MAP2: variants seen among roughly 807,000 people sequenced by gnomAD.
The protein encoded by MAP2 is microtubule-associated protein 2.
Under a neutral mutation model 137.6 loss-of-function variants are expected in MAP2, and 14 were observed. That is an observed-to-expected ratio of 0.10 (90% CI 0.07 to 0.16). MAP2 has a LOEUF of 0.16. MAP2 is among the 10% of genes least tolerant of loss of function. The probability of loss-of-function intolerance (pLI) is 1.00; values close to 1 mark genes in which losing one functional copy is unlikely to be tolerated. For missense variants in MAP2, 2,088 were observed against 2,191.5 expected, an observed-to-expected ratio of 0.95 and a Z score of 0.94; for synonymous variants, 786 against 782.3, an observed-to-expected ratio of 1.00 and a Z score of -0.08.
chr2:209,502,385 G>A lies in MAP2; in HGVS notation c.-221-5207G>A, dbSNP rs923622275. ...GGCTTATTTCACTTACCATAATGCCGTTCAGGTTTTTTCATGTTGTTGCAA... is the reference window on the plus strand; with the variant it reads ...GGCTTATTTCACTTACCATAATGCCATTCAGGTTTTTTCATGTTGTTGCAA... On this transcript the variant is annotated intron_variant, in intron 1 of 15. Coordinates refer to ENST00000682079, the MANE Select transcript of MAP2 (RefSeq NM_001375505.1). Among the ~76,000 whole-genome samples the A allele has an allele frequency of 3.3e-5, 5 of 152,088 alleles. No individual in the cohort carries two copies. The East Asian group carries it at 5.8e-4, about 18-fold the overall frequency.
At chr2:209,486,595 T>C (rs190227867) in intron 1 of MAP2, among the ~76,000 whole-genome samples, 2 of 152,328 alleles carry the variant, frequency 1.3e-5, no homozygotes, top group East Asian at 3.9e-4. Flanking sequence ...AAACATTCTA[T>C]TTAGGTGTTC....
intron 2 of MAP2, among the ~76,000 whole-genome samples, chr2:209,561,497 C>T (rs2072076734): frequency 6.6e-6 from 1 of 152,154 alleles, no homozygotes; most frequent in African/African-American, 2.4e-5. Flanking sequence ...AGTTATTTAA[C>T]CTCTCTGAGT....
At chr2:209,715,135 A>G (rs545444548) in intron 13 of MAP2, among the ~76,000 whole-genome samples, 1 of 152,206 alleles carries the variant, frequency 6.6e-6, no homozygotes, top group Admixed American at 6.5e-5. Flanking sequence ...GGTATGTTGC[A>G]TTTTATCATA....
At chr2:209,424,349 G>A (rs1691918029) in intron 1 of MAP2, 73 bp downstream of exon 1, 1 of 152,332 alleles carries the variant, frequency 6.6e-6, no homozygotes, top group African/African-American at 2.4e-5. Context: ...AGTAGAAAGA[G>A]ATAGGAATGG....
intron 2 of MAP2, among the ~76,000 whole-genome samples, chr2:209,535,221 G>A (rs2065776951): frequency 6.6e-6 from 1 of 152,132 alleles, no homozygotes; most frequent in African/African-American, 2.4e-5. Context: ...CAGCTAACGT[G>A]TTTTCAAGAT....
Position 209,583,763 on chromosome 2 carries a change from T to A in MAP2, c.-107+3663T>A, listed in dbSNP as rs1021003696. On this transcript the variant is annotated intron_variant, in intron 3 of 15. Transcript: ENST00000682079. ...GCTCACTGGTACCGTAAGAGAGACA[T>A]AAATGATTTTTTTTTTTTCAGATTT... Among the ~76,000 whole-genome samples the A allele has an allele frequency of 6.4e-5, 4 of 62,668 alleles. No homozygotes were observed. The Admixed American group carries it at 7.5e-4, about 12-fold the overall frequency. 41.1% of individuals were successfully genotyped at this position (62,668 alleles called of 152,430 possible).
At chr2:209,645,456 T>TAA (rs147191850) in intron 4 of MAP2, among the ~76,000 whole-genome samples, 4 of 149,920 alleles carry the variant, frequency 2.7e-5, no homozygotes, top group Admixed American at 6.7e-5. Flanking sequence ...AGAAATACTT[T>TAA]AAAAAAAAAA....
chr2:209,602,240 G>C (rs1000436003), intron 3 of MAP2, among the ~76,000 whole-genome samples: 1 of 152,134 alleles, frequency 6.6e-6, no homozygotes, highest in African/African-American at 2.4e-5. Context: ...AAACAGTTGA[G>C]GGAGTTCATT....
chr2:209,487,121 C>A (rs1012966343), intron 1 of MAP2, among the ~76,000 whole-genome samples: 2 of 152,010 alleles, frequency 1.3e-5, no homozygotes, highest in Admixed American at 6.6e-5. Context: ...TTCTCATATA[C>A]CTCTTTTGGG....
intron 2 of MAP2, among the ~76,000 whole-genome samples, chr2:209,571,499 A>C (rs777974194): frequency 7.9e-5 from 12 of 151,966 alleles, no homozygotes; most frequent in Non-Finnish European, 1.0e-4. Flanking sequence ...AGTTTTCCAA[A>C]GTGGTTGTAT....
At position 209,653,328 on chromosome 2, in the gene MAP2, A is replaced by G. The variant is rs535438273; in HGVS notation, c.158A>G (p.Asp53Gly). 1 of 1,614,128 alleles carries G rather than the reference A, an allele frequency of 6.2e-7. No individual in the cohort carries two copies. The highest frequency in any genetic ancestry group is 1.1e-5 in the South Asian group (1 of 91,072). ...GCCAATGGATTCCCATACAGGGAGG[A>G]TGAAGAGGGTGCCTTTGGAGAGCAT... ...RSANGFPYRE[D>G]EEGAFGEHGS... The change falls in exon 5 of 16, where the codon GAT becomes GGT. Residue 53 changes from aspartate to glycine, a missense_variant. Coordinates refer to ENST00000682079, the MANE Select transcript of MAP2 (RefSeq NM_001375505.1).
chr2:209,425,897 C>T (rs905698581), intron 1 of MAP2, among the ~76,000 whole-genome samples: 2 of 152,132 alleles, frequency 1.3e-5, no homozygotes, highest in African/African-American at 2.4e-5. Flanking sequence ...GCCCTTTAAC[C>T]GGGCAATAGG....
At chr2:209,708,095 A>C (rs544601151) in intron 12 of MAP2, among the ~76,000 whole-genome samples, 32 of 152,312 alleles carry the variant, frequency 2.1e-4, no homozygotes, top group Non-Finnish European at 3.7e-4. Flanking sequence ...AGCTATTCAA[A>C]ACTGGTGAAG....
intron 6 of MAP2, among the ~76,000 whole-genome samples, 185 bp from the exon 7 acceptor site, chr2:209,680,565 T>G (rs2054121496): frequency 6.6e-6 from 1 of 152,196 alleles, no homozygotes; most frequent in South Asian, 2.1e-4. Flanking sequence ...TTGTCTTATT[T>G]TTTAGGTTTT....
At chr2:209,494,703 C>CT (rs1470163438) in intron 1 of MAP2, among the ~76,000 whole-genome samples, 2 of 152,156 alleles carry the variant, frequency 1.3e-5, no homozygotes, top group Non-Finnish European at 2.9e-5. Context: ...TATTCCTTTA[C>CT]TTTCTTAATA....
intron 1 of MAP2, among the ~76,000 whole-genome samples, chr2:209,470,499 A>G (rs1170779135): frequency 2.0e-5 from 3 of 150,402 alleles, no homozygotes; most frequent in Non-Finnish European, 4.4e-5. Context: ...ATTGTATATA[A>G]TTAAATATTT....
chr2:209,713,550 T>C (rs898213721), intron 13 of MAP2, among the ~76,000 whole-genome samples: 16 of 152,152 alleles, frequency 1.1e-4, no homozygotes, highest in African/African-American at 3.9e-4. Context: ...ATTAGCTTGA[T>C]TGATTTAACT....
intron 11 of MAP2, chr2:209,703,945 G>C (rs1162224888): frequency 2.2e-5 from 10 of 454,458 alleles, no homozygotes; most frequent in South Asian, 1.6e-4. Context: ...TTATTTTTGT[G>C]TTTTATTTGT....
rs1440279820 is a variant in MAP2, at chr2:209,654,948, GT to G, written c.262+1518del. 2.0e-5 allele frequency among the ~76,000 whole-genome samples: 3 copies of G among 152,154 alleles called. No individual in the cohort carries two copies. The East Asian group carries it at 5.8e-4, about 29-fold the overall frequency. The stretch of plus-strand genomic sequence containing the variant: ...TACTTTGTCCCTTGGGCTCTCGCCA[GT>G]TGACTCTCAGTGCCTGTTATGAAAG... On this transcript the variant is annotated intron_variant, in intron 5 of 15. Coordinates refer to ENST00000682079, the MANE Select transcript of MAP2 (RefSeq NM_001375505.1).
Sources: allele counts gnomAD v4.1 joint callset (sites outside exome capture counted in the v4.1 genomes callset), GRCh38; gene constraint gnomAD v4.1.1; transcripts MANE v1.5; gene names NCBI Gene and HGNC (gene_info 2026-07-23, HGNC 2026-07-21).